PUDP: variants seen among roughly 807,000 people sequenced by gnomAD.
PUDP encodes the protein pseudouridine 5'-phosphatase.
In PUDP, 8 loss-of-function variants were observed where a neutral mutation model predicts 9.4. The ratio of observed to expected loss-of-function variants is 0.85; its 90% CI spans 0.50 to 1.53. The LOEUF (loss-of-function observed/expected upper bound fraction) is 1.53. Among genes scored for constraint, PUDP ranks in the 40% most tolerant of loss-of-function variants. PUDP has a pLI of 0.00. For synonymous variants in PUDP, 99 were observed against 80.7 expected, an observed-to-expected ratio of 1.23 and a Z score of -1.22; for missense variants, 188 against 189.7, an observed-to-expected ratio of 0.99 and a Z score of 0.05.
Position 6,858,569 on chromosome X carries a change from C to A in PUDP, c.*247+118564G>T, listed in dbSNP as rs755151717. On this transcript the variant is annotated intron_variant and NMD_transcript_variant, in intron 3 of 3. Transcript: ENST00000655425. ...TGGTCTCAAACTCCTGGCCTCTCAC[C>A]TTGGCTTTCCAAAGTGCTAGGATTA... 5.4e-5 allele frequency among the ~76,000 whole-genome samples: 6 copies of A among 111,239 alleles called. No individual in the cohort carries two copies. In the South Asian group the frequency reaches 2.3e-3, roughly 43 times the overall value.
intron 3 of PUDP, among the ~76,000 whole-genome samples, chrX:6,735,716 A>G (rs1239263933): frequency 9.0e-6 from 1 of 111,325 alleles, no homozygotes; most frequent in African/African-American, 3.3e-5. Context: ...AATCTGTTCC[A>G]TGCACTGCTT....
chrX:7,138,626 G>T (rs1251593363), intron 1 of PUDP, among the ~76,000 whole-genome samples: 1 of 111,457 alleles, frequency 9.0e-6, no homozygotes, highest in Non-Finnish European at 1.9e-5. Context: ...ACTTGCCTCG[G>T]CCTCCCAAAG....
At chrX:6,751,718 C>G (rs1478034550) in intron 3 of PUDP, among the ~76,000 whole-genome samples, 1 of 111,431 alleles carries the variant, frequency 9.0e-6, no homozygotes, top group Non-Finnish European at 1.9e-5. Flanking sequence ...TATTTCTCCT[C>G]ACTTCTCACC....
chrX:7,043,897 T>A lies in PUDP; in HGVS notation c.204+33323A>T, dbSNP rs749343982. 2.7e-5 allele frequency among the ~76,000 whole-genome samples: 3 copies of A among 112,188 alleles called. No individual in the cohort carries two copies. In the Admixed American group the frequency reaches 2.8e-4, roughly 11 times the overall value. On this transcript the variant is annotated intron_variant and NMD_transcript_variant, in intron 1 of 3. Coordinates refer to the PUDP transcript ENST00000655425. ...GAGAGGCCTTAAAAAATCTACTTAA[T>A]AATAATCAGATGCTATTCTATAAGA... is the stretch of plus-strand genomic sequence containing the variant.
intron 3 of PUDP, among the ~76,000 whole-genome samples, chrX:7,053,246 T>G (rs976346715): frequency 9.0e-6 from 1 of 111,480 alleles, no homozygotes; most frequent in African/African-American, 3.3e-5. Context: ...TGCGTGAGGC[T>G]GCTTCCAAGG....
intron 3 of PUDP, among the ~76,000 whole-genome samples, chrX:6,962,977 T>C (rs969376246): frequency 1.8e-5 from 2 of 113,015 alleles, no homozygotes; most frequent in Non-Finnish European, 3.7e-5. Flanking sequence ...TTACCAGAGC[T>C]AGTGTCTTAG....
intron 3 of PUDP, among the ~76,000 whole-genome samples, chrX:7,064,791 C>T (rs1337474002): frequency 1.8e-5 from 2 of 111,990 alleles, no homozygotes; most frequent in Non-Finnish European, 3.8e-5. Flanking sequence ...AACATGTCTT[C>T]TTTTCTACAG....
intron 3 of PUDP, among the ~76,000 whole-genome samples, chrX:7,072,093 G>A (rs770781813): frequency 2.7e-5 from 3 of 112,023 alleles, no homozygotes; most frequent in Non-Finnish European, 5.6e-5. Flanking sequence ...CTGTAAGACT[G>A]TATTCTTAAC....
At chrX:6,974,706 A>C (rs746998689) in intron 3 of PUDP, among the ~76,000 whole-genome samples, 1 of 111,157 alleles carries the variant, frequency 9.0e-6, no homozygotes, top group East Asian at 2.9e-4. Context: ...TGCTCTTCTC[A>C]AGGAGTATCT....
At chrX:6,737,976 G>A (rs1924893145) in intron 3 of PUDP, among the ~76,000 whole-genome samples, 1 of 111,073 alleles carries the variant, frequency 9.0e-6, no homozygotes, top group African/African-American at 3.3e-5. Flanking sequence ...ATGAGAAGAG[G>A]TCATATTCTG....
intron 3 of PUDP, among the ~76,000 whole-genome samples, chrX:6,781,975 C>T (rs895563249): frequency 4.5e-5 from 5 of 112,127 alleles, no homozygotes; most frequent in African/African-American, 1.6e-4. Context: ...TGAAGAGAAA[C>T]GCTTATCAGA....
At chrX:7,142,545 T>A (rs1291891643) in intron 1 of PUDP, among the ~76,000 whole-genome samples, 1 of 111,813 alleles carries the variant, frequency 8.9e-6, no homozygotes, top group African/African-American at 3.3e-5. Flanking sequence ...CTGGTGAAGA[T>A]GTTGTTGAAC....
intron 3 of PUDP, among the ~76,000 whole-genome samples, chrX:6,813,518 AT>A (rs1926178732): frequency 9.0e-6 from 1 of 111,650 alleles, no homozygotes; most frequent in South Asian, 3.8e-4. Context: ...GTCTAATAAA[AT>A]GTGTAAGAGG....
intron 3 of PUDP, among the ~76,000 whole-genome samples, chrX:6,972,934 G>C (rs909077311): frequency 6.3e-5 from 7 of 111,666 alleles, no homozygotes; most frequent in African/African-American, 2.3e-4. Context: ...GTTTAGTCTT[G>C]GGAGGGTGTA....
intron 1 of PUDP, among the ~76,000 whole-genome samples, chrX:7,127,626 T>TA (rs1209173078): frequency 8.9e-6 from 1 of 112,602 alleles, no homozygotes; most frequent in Non-Finnish European, 1.9e-5. Flanking sequence ...CCAAATCATT[T>TA]AGAGGGATGC....
chrX:7,066,224 C>T (rs984636176), intron 3 of PUDP, among the ~76,000 whole-genome samples: 7 of 111,439 alleles, frequency 6.3e-5, no homozygotes, highest in Non-Finnish European at 9.4e-5. Context: ...TGAAATGCCC[C>T]GAGTAGGGTA....
chrX:7,048,082 G>A (rs1201252406), downstream of PUDP, among the ~76,000 whole-genome samples: 1 of 111,804 alleles, frequency 8.9e-6, no homozygotes, highest in Admixed American at 9.5e-5. Flanking sequence ...GAGGATTTAT[G>A]AGGTGGAAAA....
chrX:6,807,942 GA>G (rs1458740647), intron 3 of PUDP, among the ~76,000 whole-genome samples: 1 of 112,022 alleles, frequency 8.9e-6, no homozygotes, highest in African/African-American at 3.2e-5. Flanking sequence ...TTTGACTGTA[GA>G]AAATATGTTC....
intron 3 of PUDP, among the ~76,000 whole-genome samples, chrX:6,797,511 C>T (rs1272351067): frequency 9.0e-6 from 1 of 111,716 alleles, no homozygotes; most frequent in Admixed American, 9.6e-5. Context: ...TGGCAGCCAT[C>T]TTGTAAGGAC....
Sources: gnomAD v4.1 joint callset for allele counts (sites outside exome capture counted in the v4.1 genomes callset) on GRCh38, gnomAD v4.1.1 for gene constraint, MANE v1.5 for transcripts, NCBI Gene and HGNC (gene_info 2026-07-23, HGNC 2026-07-21) for gene names.